The following COG5 variants were observed in gnomAD, a reference collection of about 807,000 sequenced individuals.
COG5 encodes the protein conserved oligomeric Golgi complex subunit 5.
COG5 carries 86 observed loss-of-function variants against 110.4 expected under a neutral mutation model. That is an observed-to-expected ratio of 0.78 (90% CI 0.65 to 0.93). The LOEUF (loss-of-function observed/expected upper bound fraction) is 0.93, where lower values mean the gene tolerates loss of function less well. Among genes scored for constraint, COG5 ranks in the 40% least tolerant of loss-of-function variants. COG5 has a pLI of 0.00. For missense variants in COG5, 1,077 were observed against 987.0 expected, an observed-to-expected ratio of 1.09 and a Z score of -1.22; for synonymous variants, 360 against 334.6, an observed-to-expected ratio of 1.08 and a Z score of -0.83.
intron 17 of COG5, among the ~76,000 whole-genome samples, chr7:107,237,341 T>C (rs1008077148): frequency 6.6e-6 from 1 of 152,236 alleles, no homozygotes; most frequent in African/African-American, 2.4e-5. Flanking sequence ...ATGTTTATAA[T>C]TGCTCTTTAA....
At chr7:107,508,832 G>A (rs573646524) in intron 6 of COG5, among the ~76,000 whole-genome samples, 2 of 152,156 alleles carry the variant, frequency 1.3e-5, no homozygotes, top group Non-Finnish European at 2.9e-5. Context: ...CTGTAGCAGA[G>A]GGTCCTGTCT....
At chr7:107,367,474 G>C (rs1292145361) in intron 8 of COG5, among the ~76,000 whole-genome samples, 1 of 151,886 alleles carries the variant, frequency 6.6e-6, no homozygotes, top group African/African-American at 2.4e-5. Context: ...ACATGTGTAT[G>C]TATATCACAA....
At chr7:107,541,554 G>A (rs1408300745) in intron 5 of COG5, among the ~76,000 whole-genome samples, 9 of 130,010 alleles carry the variant, frequency 6.9e-5, no homozygotes, top group East Asian at 2.2e-4. Context: ...GTATTTATGC[G>A]TGTGTGTATT....
intron 6 of COG5, among the ~76,000 whole-genome samples, chr7:107,476,310 A>AG (rs958286791): frequency 6.6e-6 from 1 of 151,212 alleles, no homozygotes; most frequent in Non-Finnish European, 1.5e-5. Flanking sequence ...GAATGAAAAA[A>AG]AAAAGACTTT....
At chr7:107,205,517 T>C (rs886144013) in intron 21 of COG5, among the ~76,000 whole-genome samples, 4 of 152,208 alleles carry the variant, frequency 2.6e-5, no homozygotes, top group African/African-American at 7.2e-5. Flanking sequence ...AGGGTGTTTG[T>C]TCATACATTG....
intron 6 of COG5, among the ~76,000 whole-genome samples, chr7:107,417,328 T>C (rs1411881014): frequency 6.6e-6 from 1 of 152,218 alleles, no homozygotes; most frequent in Admixed American, 6.5e-5. Context: ...TCTTATTATT[T>C]GTAATTATAC....
intron 11 of COG5, among the ~76,000 whole-genome samples, chr7:107,307,427 T>C (rs138425175): frequency 2.6e-5 from 4 of 152,312 alleles, no homozygotes; most frequent in East Asian, 1.9e-4. Context: ...TTCAAACATA[T>C]AATGTAGAGA....
At chr7:107,294,757 C>A (rs1284974952) in intron 12 of COG5, among the ~76,000 whole-genome samples, 2 of 134,316 alleles carry the variant, frequency 1.5e-5, no homozygotes, top group Non-Finnish European at 3.1e-5. Flanking sequence ...GCTCTGTTGC[C>A]TGGGCTGGAG....
chr7:107,318,352 C>G (rs542955813), intron 11 of COG5, among the ~76,000 whole-genome samples: 1 of 152,078 alleles, frequency 6.6e-6, no homozygotes, highest in African/African-American at 2.4e-5. Flanking sequence ...TTTGTAGATT[C>G]CTGTCATATT....
chr7:107,212,027 C>T (rs1420529026), intron 19 of COG5, among the ~76,000 whole-genome samples: 1 of 152,186 alleles, frequency 6.6e-6, no homozygotes. Context: ...ATCCTGGGGT[C>T]TTTCTTTACC....
At chr7:107,268,361 G>T (rs1584598302) in intron 14 of COG5, among the ~76,000 whole-genome samples, 3 of 152,216 alleles carry the variant, frequency 2.0e-5, no homozygotes, top group Admixed American at 2.0e-4. Flanking sequence ...AAGTTAATTA[G>T]GTTCTTTCTG....
chr7:107,203,590 C>T lies in COG5; in HGVS notation c.2416G>A (p.Glu806Lys). Residue 806 changes from glutamate to lysine, a missense_variant, in exon 22 of 22, where the codon GAA (glutamate) becomes AAA (lysine). Glu to Lys is a moderately conservative substitution (Grantham distance 56). Coordinates refer to ENST00000297135, the MANE Select transcript of COG5 (RefSeq NM_006348.5). ...TAAACTGGTGCAAATTCTTTGCCTT[C>T]TCTACTTCTCACTGATTGAACATAA... ...EAYVQSVRSR[E>K]GKEFAPVYPI... is the part of the protein sequence containing the mutation. The T allele has an allele frequency of 6.2e-7, 1 of 1,614,080 alleles. No individual in the cohort carries two copies. The highest frequency in any genetic ancestry group is 8.5e-7 in the Non-Finnish European group (1 of 1,179,982).
intron 7 of COG5, among the ~76,000 whole-genome samples, chr7:107,384,487 G>A (rs777486038): frequency 6.6e-6 from 1 of 152,126 alleles, no homozygotes; most frequent in Non-Finnish European, 1.5e-5. Flanking sequence ...CTGTACCAGG[G>A]ACTCTGGCTT....
At chr7:107,358,256 G>A (rs187606016) in intron 10 of COG5, among the ~76,000 whole-genome samples, 1 of 152,264 alleles carries the variant, frequency 6.6e-6, no homozygotes, top group African/African-American at 2.4e-5. Context: ...AGCTCGAAAT[G>A]AGGCCACTGC....
At chr7:107,237,295 G>A (rs1801270691) in intron 17 of COG5, among the ~76,000 whole-genome samples, 1 of 152,158 alleles carries the variant, frequency 6.6e-6, no homozygotes, top group Non-Finnish European at 1.5e-5. Context: ...AATGATACCA[G>A]CTGATGCTCC....
intron 6 of COG5, among the ~76,000 whole-genome samples, chr7:107,523,267 C>T (rs1348723081): frequency 6.6e-6 from 1 of 151,842 alleles, no homozygotes; most frequent in Non-Finnish European, 1.5e-5. Context: ...TATTTTTATG[C>T]TGTTATAAGT....
At chr7:107,374,980 G>A (rs548726218) in intron 7 of COG5, among the ~76,000 whole-genome samples, 1 of 152,052 alleles carries the variant, frequency 6.6e-6, no homozygotes, top group African/African-American at 2.4e-5. Context: ...CTATCACCTA[G>A]ATCATGAAGC....
intron 11 of COG5, among the ~76,000 whole-genome samples, chr7:107,310,951 T>C (rs947379113): frequency 5.3e-5 from 8 of 152,234 alleles, no homozygotes; most frequent in Non-Finnish European, 2.9e-5. Flanking sequence ...TTCCATTCTA[T>C]GGAATTCTAT....
intron 10 of COG5, among the ~76,000 whole-genome samples, chr7:107,346,524 G>A (rs770726778): frequency 2.6e-5 from 4 of 151,974 alleles, no homozygotes; most frequent in African/African-American, 9.7e-5. Flanking sequence ...TGGGTCATAC[G>A]GTGATTTTTT....
Sources: gnomAD v4.1 joint callset for allele counts (sites outside exome capture counted in the v4.1 genomes callset) on GRCh38, gnomAD v4.1.1 for gene constraint, MANE v1.5 for transcripts, NCBI Gene and HGNC (gene_info 2026-07-23, HGNC 2026-07-21) for gene names.